The following ASAP1 variants were observed in gnomAD, a reference collection of about 807,000 sequenced individuals.
ASAP1 encodes the protein ArfGAP with SH3 domain, ankyrin repeat and PH domain 1, also known as arf-GAP with SH3 domain, ANK repeat and PH domain-containing protein 1.
In ASAP1, 43 loss-of-function variants were observed where a neutral mutation model predicts 145.2. The ratio of observed to expected loss-of-function variants is 0.30; its 90% CI spans 0.23 to 0.38. The LOEUF is 0.38. Ranked by LOEUF, ASAP1 falls within the 10% of genes least tolerant of loss-of-function variation. The pLI is 1.00. For synonymous variants in ASAP1, 546 were observed against 515.5 expected (o/e 1.06, Z -0.80); for missense variants, 1,018 against 1,355.3 (o/e 0.75, Z 3.91).
rs144924614 is a variant in ASAP1, at chr8:130,058,818, T to C, written c.3193-742A>G. On this transcript the variant is annotated intron_variant, in intron 28 of 29. Coordinates refer to ENST00000518721, the MANE Select transcript of ASAP1 (RefSeq NM_018482.4). Reference sequence around the variant, plus strand: ...GTGCCTCTTCCTCTCTGTCCCCTGGTTTCTCCTTTAATCACCCTGATAGTT... The same window carrying C: ...GTGCCTCTTCCTCTCTGTCCCCTGGCTTCTCCTTTAATCACCCTGATAGTT... Among the ~76,000 whole-genome samples the C allele has an allele frequency of 3.4e-3, 511 of 152,312 alleles. 1 individual carries two copies. The highest frequency in any genetic ancestry group is 0.011 in the African/African-American group (454 of 41,556).
rs777941033 is a variant in ASAP1 at position 130,060,796 on chromosome 8, T to C, written c.2975A>G (p.Lys992Arg). The C allele has an allele frequency of 6.2e-7, 1 of 1,613,826 alleles. No individual in the cohort carries two copies. Among genetic ancestry groups the C allele is most frequent in the South Asian group, 1.1e-5 (1 of 91,070 alleles). Residue 992 changes from lysine to arginine, a missense_variant, in exon 28 of 30, where the codon AAA (lysine) becomes AGA (arginine). This residue lies in a region of ASAP1 where 139 missense variants were observed against 131.0 expected (regional missense o/e 1.06). Coordinates refer to ENST00000518721, the MANE Select transcript of ASAP1 (RefSeq NM_018482.4). ...PKPQMKDLPP[K>R]PQLGDLLAKS... ...TGCTAGCAGGTCTCCCAGCTGTGGT[T>C]TGGGGGGCAGGTCCTTCATCTGTGG...
At chr8:130,157,352 C>A (rs2097660085) in intron 12 of ASAP1, among the ~76,000 whole-genome samples, 1 of 152,174 alleles carries the variant, frequency 6.6e-6, no homozygotes, top group African/African-American at 2.4e-5. Flanking sequence ...TTTCTCTACA[C>A]CCCATATCAG....
intron 9 of ASAP1, among the ~76,000 whole-genome samples, chr8:130,174,578 T>G (rs1412404917): frequency 6.6e-6 from 1 of 152,200 alleles, no homozygotes; most frequent in Non-Finnish European, 1.5e-5. Flanking sequence ...GCAACTAGGT[T>G]CAGAACTTTC....
chr8:130,397,572 G>C (rs1226087867), intron 2 of ASAP1, among the ~76,000 whole-genome samples: 1 of 152,222 alleles, frequency 6.6e-6, no homozygotes, highest in African/African-American at 2.4e-5. Context: ...ACATCAGGTA[G>C]GTTCACAACT....
intron 3 of ASAP1, among the ~76,000 whole-genome samples, chr8:130,249,269 T>C (rs1052304288): frequency 1.3e-5 from 2 of 152,106 alleles, no homozygotes; most frequent in South Asian, 2.1e-4. Context: ...CAACCATGGC[T>C]CATAAAGCCC....
At chr8:130,438,858 C>T (rs1188368120) in intron 1 of ASAP1, among the ~76,000 whole-genome samples, 1 of 152,176 alleles carries the variant, frequency 6.6e-6, no homozygotes, top group African/African-American at 2.4e-5. Context: ...CCCTGACCCT[C>T]TCTTCCCCAT....
chr8:130,358,050 G>C lies in ASAP1; in HGVS notation c.153C>G (p.His51Gln), dbSNP rs375945770. The C allele has an allele frequency of 1.2e-6, 2 of 1,610,384 alleles. No individual in the cohort carries two copies. The highest frequency in any genetic ancestry group is 2.7e-5 in the African/African-American group (2 of 74,808). ...GCAGCGTGACGGTGTTCCTGCAGTTGTGCAGCCGCGTGGTGAAGCTGGACG... is the reference window on the plus strand; with the variant it reads ...GCAGCGTGACGGTGTTCCTGCAGTTCTGCAGCCGCGTGGTGAAGCTGGACG... The part of the protein sequence containing the change: ...PTTSSFTTRL[H>Q]NCRNTVTLLE... Residue 51 changes from histidine to glutamine, a missense_variant, in exon 3 of 30, where the codon CAC becomes CAG. Transcript: ENST00000518721. The surrounding 1 kb of genome is among the most constrained non-coding windows in gnomAD (Gnocchi z 4.1).
intron 5 of ASAP1, among the ~76,000 whole-genome samples, chr8:130,196,852 T>C (rs1258961841): frequency 1.3e-5 from 2 of 152,234 alleles, no homozygotes; most frequent in African/African-American, 2.4e-5. Context: ...TTCTGTCTAG[T>C]ATATTAACTC....
chr8:130,086,991 C>T (rs4733569), intron 25 of ASAP1, among the ~76,000 whole-genome samples: 25,271 of 152,136 alleles, frequency 0.17, 2,586 homozygotes, highest in East Asian at 0.44. Flanking sequence ...GCCTATTCCA[C>T]TCATCTTCCA....
chr8:130,166,231 A>G lies in ASAP1; in HGVS notation c.909+1305T>C, dbSNP rs1320127233. Among the ~76,000 whole-genome samples, 147 of 151,258 alleles carry G rather than the reference A, an allele frequency of 9.7e-4. 2 individuals carry two copies. Among genetic ancestry groups the G allele is most frequent in the Non-Finnish European group, 7.4e-5 (5 of 67,836 alleles). ...ACTTTGTTGCCTAGGCTGGTCTCAA[A>G]CTCCTGGGCCCAAGTGATCCTCCCA... On this transcript the variant is annotated intron_variant, in intron 11 of 29. Coordinates refer to ENST00000518721, the MANE Select transcript of ASAP1 (RefSeq NM_018482.4).
At chr8:130,072,828 C>CGTGT (rs1158661625) in intron 27 of ASAP1, among the ~76,000 whole-genome samples, 57 of 27,624 alleles carry the variant, frequency 2.1e-3, no homozygotes, top group South Asian at 5.8e-3. Context: ...TGTGTGTGCG[C>CGTGT]GCGGGGGGGG....
chr8:130,141,159 A>G lies in ASAP1; in HGVS notation c.1081-4121T>C, dbSNP rs2097609973. 2.6e-5 allele frequency among the ~76,000 whole-genome samples: 4 copies of G among 152,194 alleles called. No individual in the cohort carries two copies. In the South Asian group the frequency reaches 8.3e-4, roughly 32 times the overall value. On this transcript the variant is annotated intron_variant, in intron 13 of 29. Transcript: ENST00000518721. ...CTTTCATATTGTTTAAGTACAGGAGAGAAAAAAGAAAACAAAACAGGAGAA... is the reference window on the plus strand; with the variant it reads ...CTTTCATATTGTTTAAGTACAGGAGGGAAAAAAGAAAACAAAACAGGAGAA...
intron 13 of ASAP1, among the ~76,000 whole-genome samples, chr8:130,140,946 T>A (rs983293455): frequency 1.3e-5 from 2 of 152,232 alleles, no homozygotes; most frequent in African/African-American, 4.8e-5. Flanking sequence ...ACTACAGTAA[T>A]AATTGTAACT....
intron 3 of ASAP1, among the ~76,000 whole-genome samples, chr8:130,316,460 T>G (rs1586816882): frequency 6.6e-6 from 1 of 152,252 alleles, no homozygotes. Context: ...ACTAGAATCC[T>G]GGTTTTTACC....
At chr8:130,183,618 A>G (rs1814518591) in intron 7 of ASAP1, among the ~76,000 whole-genome samples, 1 of 152,182 alleles carries the variant, frequency 6.6e-6, no homozygotes, top group Admixed American at 6.5e-5. Flanking sequence ...CTGGGACCAC[A>G]GGCATGAGCC....
chr8:130,206,983 T>C (rs1331586875), intron 5 of ASAP1, among the ~76,000 whole-genome samples: 1 of 151,920 alleles, frequency 6.6e-6, no homozygotes, highest in Non-Finnish European at 1.5e-5. Flanking sequence ...TTCCTTTTCA[T>C]GGTTAAAAAA....
At chr8:130,352,396 G>A (rs780919499) in intron 3 of ASAP1, among the ~76,000 whole-genome samples, 3 of 152,090 alleles carry the variant, frequency 2.0e-5, no homozygotes, top group Non-Finnish European at 2.9e-5. Context: ...GTCAAACCCT[G>A]ACCACAGAAA....
intron 1 of ASAP1, among the ~76,000 whole-genome samples, chr8:130,409,569 C>T (rs148391331): frequency 6.8e-4 from 104 of 152,268 alleles, no homozygotes; most frequent in African/African-American, 2.5e-3. Flanking sequence ...CAATAGGCTA[C>T]AGTTCAGAGA....
At chr8:130,224,959 T>C (rs888765863) in intron 4 of ASAP1, among the ~76,000 whole-genome samples, 8 of 152,218 alleles carry the variant, frequency 5.3e-5, no homozygotes, top group Non-Finnish European at 1.2e-4. Context: ...AATGCACATA[T>C]AAAAGGGGCT....
Sources: allele counts gnomAD v4.1 joint callset (sites outside exome capture counted in the v4.1 genomes callset), GRCh38; gene constraint gnomAD v4.1.1; regional missense constraint gnomAD v4.1.1; non-coding constraint Gnocchi (gnomAD v3.1); transcripts MANE v1.5; gene names NCBI Gene and HGNC (gene_info 2026-07-23, HGNC 2026-07-21).